Variants in MB21D2 observed in about 807,000 individuals in gnomAD.
MB21D2 encodes the protein nucleotidyltransferase MB21D2.
MB21D2 carries 9 observed loss-of-function variants against 33.3 expected under a neutral mutation model. The ratio of observed to expected loss-of-function variants is 0.27; its 90% CI spans 0.16 to 0.47. MB21D2 has a LOEUF of 0.47. Ranked by LOEUF, MB21D2 falls within the 20% of genes least tolerant of loss-of-function variation. The probability of loss-of-function intolerance (pLI) is 0.99; values close to 1 mark genes in which losing one functional copy is unlikely to be tolerated. For synonymous variants in MB21D2, 241 were observed against 236.3 expected (o/e 1.02, Z -0.18); for missense variants, 540 against 624.6 (o/e 0.86, Z 1.44).
intron 1 of MB21D2, among the ~76,000 whole-genome samples, chr3:192,870,331 T>A (rs1326758776): frequency 1.3e-5 from 2 of 152,118 alleles, no homozygotes; most frequent in African/African-American, 2.4e-5. Flanking sequence ...CCAAGACTAG[T>A]GAGCACGACG....
In MB21D2 at chr3:192,799,762, C is replaced by T; in HGVS notation, c.212-112G>A. 8.5e-7 allele frequency: 1 copy of T among 1,173,778 alleles called. No individual in the cohort carries two copies. Among genetic ancestry groups the T allele is most frequent in the East Asian group, 2.6e-5 (1 of 38,970 alleles). 72.7% of individuals were successfully genotyped at this position (1,173,778 alleles called of 1,614,324 possible). On this transcript the variant is annotated intron_variant, in intron 1 of 1. Coordinates refer to ENST00000392452, the MANE Select transcript of MB21D2 (RefSeq NM_178496.4). This position sits in a 1 kb window ranked among gnomAD's most constrained non-coding sequence, Gnocchi z 4.1. Reference sequence around the variant, plus strand: ...CAAGAACCAAAACTCATTATCAGTACTAAATCAAATCTCAGGCTGCTGCAG... The same window carrying T: ...CAAGAACCAAAACTCATTATCAGTATTAAATCAAATCTCAGGCTGCTGCAG...
At chr3:192,867,962 G>A (rs1161608654) in intron 1 of MB21D2, among the ~76,000 whole-genome samples, 1 of 152,124 alleles carries the variant, frequency 6.6e-6, no homozygotes, top group Admixed American at 6.5e-5. Flanking sequence ...TTGGAATGAG[G>A]GAAGGGGAAA....
intron 1 of MB21D2, among the ~76,000 whole-genome samples, chr3:192,906,223 T>C (rs986303656): frequency 7.9e-5 from 12 of 152,266 alleles, no homozygotes; most frequent in African/African-American, 2.4e-4. Context: ...AGAGGGCCTT[T>C]TGAGGACTTG....
At chr3:192,803,564 C>T (rs887912768) in intron 1 of MB21D2, among the ~76,000 whole-genome samples, 1 of 152,192 alleles carries the variant, frequency 6.6e-6, no homozygotes, top group Non-Finnish European at 1.5e-5. Context: ...CTCGAGCCTT[C>T]CCCAGCGTTA....
intron 1 of MB21D2, among the ~76,000 whole-genome samples, chr3:192,815,540 G>A (rs1182768026): frequency 3.3e-5 from 5 of 152,190 alleles, no homozygotes; most frequent in Non-Finnish European, 7.3e-5. Context: ...CATGAAATCA[G>A]GAAAGGCAAA....
At chr3:192,904,889 C>T (rs1241403450) in intron 1 of MB21D2, among the ~76,000 whole-genome samples, 1 of 152,234 alleles carries the variant, frequency 6.6e-6, no homozygotes, top group Admixed American at 6.5e-5. Context: ...CCCTGGGAGG[C>T]CTTGGGCTCC....
At chr3:192,895,618 A>G (rs537342953) in intron 1 of MB21D2, among the ~76,000 whole-genome samples, 142 of 152,364 alleles carry the variant, frequency 9.3e-4, no homozygotes, top group South Asian at 1.9e-3. Context: ...TATTAAAGAA[A>G]AAGAAAATTT....
chr3:192,804,246 G>A (rs1711613184), intron 1 of MB21D2, among the ~76,000 whole-genome samples: 1 of 152,118 alleles, frequency 6.6e-6, no homozygotes, highest in Non-Finnish European at 1.5e-5. Context: ...AATTGAAACT[G>A]CAAACCTTCA....
At chr3:192,871,520 C>T (rs779127605) in intron 1 of MB21D2, among the ~76,000 whole-genome samples, 1 of 152,068 alleles carries the variant, frequency 6.6e-6, no homozygotes, top group East Asian at 1.9e-4. Context: ...TGTATAACAA[C>T]GAATAGACAT....
At chr3:192,830,807 A>G (rs1008805028) in intron 1 of MB21D2, among the ~76,000 whole-genome samples, 2 of 152,240 alleles carry the variant, frequency 1.3e-5, no homozygotes, top group African/African-American at 4.8e-5. Context: ...ATGAATCAGA[A>G]TCTGTGCTTT....
chr3:192,886,306 G>A (rs1193415330), intron 1 of MB21D2, among the ~76,000 whole-genome samples: 5 of 152,104 alleles, frequency 3.3e-5, no homozygotes, highest in Non-Finnish European at 5.9e-5. Flanking sequence ...GATGAGATGG[G>A]AGTATAAATA....
intron 1 of MB21D2, among the ~76,000 whole-genome samples, chr3:192,870,696 G>A (rs1241453501): frequency 3.3e-4 from 8 of 24,252 alleles, no homozygotes; most frequent in East Asian, 6.6e-3. Flanking sequence ...GGGCGACTCC[G>A]TTGAAAAAAA....
intron 1 of MB21D2, among the ~76,000 whole-genome samples, chr3:192,828,920 A>G (rs750444533): frequency 6.6e-6 from 1 of 151,544 alleles, no homozygotes; most frequent in Non-Finnish European, 1.5e-5. Flanking sequence ...AAGTGCTGGG[A>G]TTACAGGCAT....
At chr3:192,905,286 T>A (rs901443745) in intron 1 of MB21D2, among the ~76,000 whole-genome samples, 1 of 152,150 alleles carries the variant, frequency 6.6e-6, no homozygotes, top group Non-Finnish European at 1.5e-5. Flanking sequence ...GTTTTGTTTT[T>A]AAATTATTGC....
chr3:192,903,330 C>G (rs2108652653), intron 1 of MB21D2, among the ~76,000 whole-genome samples: 1 of 152,334 alleles, frequency 6.6e-6, no homozygotes, highest in East Asian at 1.9e-4. Flanking sequence ...TTTTGGCCCT[C>G]AGTTTCCATG....
chr3:192,847,552 G>T (rs1245548491), intron 1 of MB21D2, among the ~76,000 whole-genome samples: 1 of 152,174 alleles, frequency 6.6e-6, no homozygotes, highest in Non-Finnish European at 1.5e-5. Flanking sequence ...ACACACAGTA[G>T]ATGCTTTAAC....
chr3:192,884,954 G>A (rs891081190), intron 1 of MB21D2, among the ~76,000 whole-genome samples: 6 of 152,070 alleles, frequency 3.9e-5, no homozygotes, highest in Non-Finnish European at 7.3e-5. Flanking sequence ...GAGCCAGGAA[G>A]CAATTCTTCT....
intron 1 of MB21D2, among the ~76,000 whole-genome samples, chr3:192,903,841 A>C (rs1223016228): frequency 2.0e-5 from 3 of 152,172 alleles, no homozygotes; most frequent in African/African-American, 7.2e-5. Flanking sequence ...CTTTTCCCCC[A>C]CTTTTGCTTG....
rs771689549 is a variant in MB21D2, at chr3:192,799,024, T to C, written c.838A>G (p.Lys280Glu). 49 of 1,613,962 alleles carry C rather than the reference T, an allele frequency of 3.0e-5. No individual in the cohort carries two copies. The highest frequency in any genetic ancestry group is 4.0e-5 in the Non-Finnish European group (47 of 1,180,016). ...CGCCATTCATTGTCCTTCTTACCCT[T>C]GTAGGAGCAAGCAGGCACCAAGTAA... ...GFYLVPACSY[K>E]GKKDNEWRLS... The change falls in exon 2 of 2, where the codon AAG (lysine) becomes GAG (glutamate). Residue 280 changes from lysine to glutamate, a missense_variant. Physicochemically the swap from Lys to Glu is moderately conservative, Grantham distance 56. Transcript: ENST00000392452. The surrounding 1 kb of genome is among the most constrained non-coding windows in gnomAD (Gnocchi z 4.1).
Sources: allele counts gnomAD v4.1 joint callset (sites outside exome capture counted in the v4.1 genomes callset), GRCh38; gene constraint gnomAD v4.1.1; non-coding constraint Gnocchi (gnomAD v3.1); transcripts MANE v1.5; gene names NCBI Gene and HGNC (gene_info 2026-07-23, HGNC 2026-07-21).